Variants in DLC1 observed in about 807,000 individuals in gnomAD.
DLC1 encodes the protein rho GTPase-activating protein 7.
In DLC1, 54 loss-of-function variants were observed where a neutral mutation model predicts 140.3. The observed-to-expected ratio is 0.38, with a 90% CI of 0.31 to 0.48. DLC1 has a LOEUF of 0.48. DLC1 is among the 20% of genes least tolerant of loss of function. The probability of loss-of-function intolerance (pLI) is 0.96; values close to 1 mark genes in which losing one functional copy is unlikely to be tolerated. For synonymous variants in DLC1, 986 were observed against 728.1 expected (o/e 1.35, Z -5.70); for missense variants, 2,536 against 1,907.0 (o/e 1.33, Z -6.14).
chr8:13,145,997 G>A (rs1284143268), intron 5 of DLC1, among the ~76,000 whole-genome samples: 1 of 152,032 alleles, frequency 6.6e-6, no homozygotes, highest in Admixed American at 6.6e-5. Context: ...TATACTGTAG[G>A]GCCGGGCGCA....
chr8:13,292,126 A>T (rs549858174), intron 5 of DLC1, among the ~76,000 whole-genome samples: 36 of 151,178 alleles, frequency 2.4e-4, no homozygotes, highest in Admixed American at 2.0e-4. Flanking sequence ...TTCTTTTTTT[A>T]AAAAGTTGGC....
At chr8:13,089,955 C>T (rs913254547) in intron 15 of DLC1, among the ~76,000 whole-genome samples, 6 of 152,234 alleles carry the variant, frequency 3.9e-5, no homozygotes, top group African/African-American at 1.4e-4. Context: ...TGTTCCGCAT[C>T]TCAATGCCAT....
chr8:13,534,398 A>G (rs1803200322), intron 1 of DLC1, among the ~76,000 whole-genome samples: 1 of 152,168 alleles, frequency 6.6e-6, no homozygotes, highest in South Asian at 2.1e-4. Context: ...CTGTAATTCA[A>G]TAGAAGGCTC....
intron 4 of DLC1, among the ~76,000 whole-genome samples, chr8:13,318,200 T>A (rs1477323239): frequency 7.1e-6 from 1 of 140,832 alleles, no homozygotes; most frequent in Non-Finnish European, 1.5e-5. Context: ...AATTAAAATT[T>A]TTTTTTTTTT....
chr8:13,375,610 G>T (rs901069156), intron 4 of DLC1, among the ~76,000 whole-genome samples: 4 of 152,098 alleles, frequency 2.6e-5, no homozygotes, highest in Non-Finnish European at 5.9e-5. Flanking sequence ...AATGCTTCCA[G>T]TTTTTGCCCA....
chr8:13,526,997 A>G (rs1036668049), intron 1 of DLC1, among the ~76,000 whole-genome samples: 1 of 152,238 alleles, frequency 6.6e-6, no homozygotes, highest in East Asian at 1.9e-4. Flanking sequence ...ATTTTGGAAC[A>G]TTGACTAGTA....
intron 5 of DLC1, among the ~76,000 whole-genome samples, chr8:13,126,656 T>G (rs867050099): frequency 6.6e-6 from 1 of 152,210 alleles, no homozygotes; most frequent in African/African-American, 2.4e-5. Context: ...AAACTTATTA[T>G]TCAAGGCAAA....
intron 5 of DLC1, among the ~76,000 whole-genome samples, chr8:13,213,821 T>C (rs1378162372): frequency 6.6e-6 from 1 of 151,924 alleles, no homozygotes; most frequent in Non-Finnish European, 1.5e-5. Flanking sequence ...TCTCCCTCTG[T>C]TGCCCAGCCT....
At chr8:13,222,606 C>A (rs1480686207) in intron 5 of DLC1, among the ~76,000 whole-genome samples, 1 of 152,206 alleles carries the variant, frequency 6.6e-6, no homozygotes, top group African/African-American at 2.4e-5. Flanking sequence ...AGCACTCTTG[C>A]TTCTCACCAC....
rs552065842 is a variant in DLC1 at position 13,152,232 on chromosome 8, G to C, written c.1349-36575C>G. Among the ~76,000 whole-genome samples the C allele has an allele frequency of 2.0e-5, 3 of 152,318 alleles. No homozygotes were observed. In the East Asian group the frequency reaches 5.8e-4, roughly 29 times the overall value. ...AGGTTTTCCAAAGTCCGTAAGAAGTGTTCTGAAATGACCCAGAAGTTACCA... is the reference window on the plus strand; with the variant it reads ...AGGTTTTCCAAAGTCCGTAAGAAGTCTTCTGAAATGACCCAGAAGTTACCA... On this transcript the variant is annotated intron_variant, in intron 5 of 17. Coordinates refer to ENST00000276297, the MANE Select transcript of DLC1 (RefSeq NM_182643.3).
At chr8:13,104,362 A>AAAC (rs1363669686) in intron 7 of DLC1, among the ~76,000 whole-genome samples, 1 of 151,870 alleles carries the variant, frequency 6.6e-6, no homozygotes, top group Non-Finnish European at 1.5e-5. Flanking sequence ...AAAAAAAAAA[A>AAAC]AACCCAAAAC....
chr8:13,566,448 C>A (rs1469382350), intron 1 of DLC1, among the ~76,000 whole-genome samples: 1 of 148,282 alleles, frequency 6.7e-6, no homozygotes, highest in African/African-American at 2.5e-5. Context: ...TGTATTTTGA[C>A]TTTTCCCCAA....
intron 5 of DLC1, among the ~76,000 whole-genome samples, chr8:13,173,337 C>A (rs1366262840): frequency 1.3e-5 from 2 of 150,686 alleles, no homozygotes; most frequent in African/African-American, 2.4e-5. Flanking sequence ...TCTATGGAAA[C>A]CAAATAATGC....
At chr8:13,214,732 G>T (rs563792639) in intron 5 of DLC1, 2 of 780,790 alleles carry the variant, frequency 2.6e-6, no homozygotes, top group Non-Finnish European at 4.8e-6. Flanking sequence ...GGATCCCTTT[G>T]TGCTCTTATC....
At chr8:13,188,202 C>T (rs1415305662) in intron 5 of DLC1, among the ~76,000 whole-genome samples, 2 of 150,648 alleles carry the variant, frequency 1.3e-5, no homozygotes, top group Non-Finnish European at 2.9e-5. Flanking sequence ...CTGCCTCAGC[C>T]TCCAGAGTAG....
At chr8:13,137,952 G>GA (rs1398793464) in intron 5 of DLC1, among the ~76,000 whole-genome samples, 1 of 152,094 alleles carries the variant, frequency 6.6e-6, no homozygotes, top group African/African-American at 2.4e-5. Flanking sequence ...ACTGTATTTG[G>GA]ATGTTTTCCC....
chr8:13,595,795 T>G (rs1805662880), intron 1 of DLC1, among the ~76,000 whole-genome samples: 1 of 152,044 alleles, frequency 6.6e-6, no homozygotes, highest in African/African-American at 2.4e-5. Context: ...CATCTTTAAA[T>G]AGAACAGTAC....
chr8:13,371,385 C>CTCTCTG (rs779938640), intron 4 of DLC1, among the ~76,000 whole-genome samples: 1 of 151,978 alleles, frequency 6.6e-6, no homozygotes, highest in East Asian at 1.9e-4. Context: ...CTGTTTCTAT[C>CTCTCTG]TCTCTGTCTC....
intron 5 of DLC1, among the ~76,000 whole-genome samples, chr8:13,118,596 T>C (rs1820773821): frequency 6.6e-6 from 1 of 152,220 alleles, no homozygotes; most frequent in East Asian, 1.9e-4. Flanking sequence ...TCACATATTT[T>C]TTAGAAAATG....
Sources: gnomAD v4.1 joint callset for allele counts (sites outside exome capture counted in the v4.1 genomes callset) on GRCh38, gnomAD v4.1.1 for gene constraint, MANE v1.5 for transcripts, NCBI Gene and HGNC (gene_info 2026-07-23, HGNC 2026-07-21) for gene names.